The following WDFY2 variants were observed in gnomAD, a reference collection of about 807,000 sequenced individuals.
WDFY2 encodes the protein WD repeat and FYVE domain containing 2.
Under a neutral mutation model 56.4 loss-of-function variants are expected in WDFY2, and 36 were observed. That is an observed-to-expected ratio of 0.64 (90% CI 0.49 to 0.84). The LOEUF is 0.84. WDFY2 is among the 40% of genes least tolerant of loss of function. WDFY2 has a pLI of 0.00. For missense variants in WDFY2, 444 were observed against 512.2 expected (o/e 0.87, Z 1.29); for synonymous variants, 176 against 183.7 (o/e 0.96, Z 0.34).
intron 1 of WDFY2, chr13:51,587,638 A>G (rs1953969968): frequency 2.0e-5 from 3 of 152,252 alleles, no homozygotes. Flanking sequence ...ACTGTGTTCC[A>G]GTCACATGCA....
At chr13:51,738,929 C>T in intron 6 of WDFY2, 120 bp from the exon 7 acceptor site, 1 of 1,236,868 alleles carries the variant, frequency 8.1e-7, no homozygotes, top group Non-Finnish European at 1.0e-6. Flanking sequence ...ATTGTTCTTT[C>T]AATAAGAATT....
intron 1 of WDFY2, among the ~76,000 whole-genome samples, chr13:51,619,232 T>G (rs965963538): frequency 2.0e-5 from 3 of 152,148 alleles, no homozygotes; most frequent in African/African-American, 7.2e-5. Flanking sequence ...GCGGGCAGAC[T>G]GCTTGAGCCC....
intron 6 of WDFY2, among the ~76,000 whole-genome samples, chr13:51,728,596 G>C (rs1203728113): frequency 6.6e-6 from 1 of 152,090 alleles, no homozygotes; most frequent in Non-Finnish European, 1.5e-5. Context: ...AAAAAAAGTA[G>C]GGGAAAGAGG....
intron 3 of WDFY2, among the ~76,000 whole-genome samples, chr13:51,679,514 G>A (rs769505319): frequency 3.4e-4 from 52 of 152,186 alleles, no homozygotes; most frequent in Admixed American, 2.0e-3. Flanking sequence ...ATCTATAAAT[G>A]GTTAGCACTC....
chr13:51,730,835 T>A (rs1313602460), intron 6 of WDFY2, among the ~76,000 whole-genome samples: 1 of 152,142 alleles, frequency 6.6e-6, no homozygotes, highest in Non-Finnish European at 1.5e-5. Flanking sequence ...GAACTGCCAG[T>A]CACTCTTTTT....
intron 4 of WDFY2, among the ~76,000 whole-genome samples, chr13:51,710,839 A>G (rs1052784433): frequency 3.3e-5 from 5 of 152,246 alleles, no homozygotes; most frequent in African/African-American, 9.6e-5. Flanking sequence ...GGAAGAATCA[A>G]TATCATGAAA....
intron 4 of WDFY2, among the ~76,000 whole-genome samples, chr13:51,709,092 T>C (rs760508102): frequency 3.3e-5 from 5 of 152,248 alleles, no homozygotes; most frequent in Non-Finnish European, 7.3e-5. Context: ...AAGATATTAA[T>C]TGATAGAATA....
chr13:51,608,551 G>A lies in WDFY2; in HGVS notation c.137+23727G>A, dbSNP rs150892297. Reference sequence around the variant, plus strand: ...ACAAAAATTAGCTGGGTGTGGTGGCGCATGCCTGTAATCCAGCTACTTGGG... The same window carrying A: ...ACAAAAATTAGCTGGGTGTGGTGGCACATGCCTGTAATCCAGCTACTTGGG... On this transcript the variant is annotated intron_variant, in intron 1 of 11. Coordinates refer to ENST00000298125, the MANE Select transcript of WDFY2 (RefSeq NM_052950.4). 2.1e-3 allele frequency among the ~76,000 whole-genome samples: 316 copies of A among 152,282 alleles called. 1 individual carries two copies. The highest frequency in any genetic ancestry group is 4.7e-3 in the African/African-American group (196 of 41,572).
Position 51,739,141 on chromosome 13 carries a change from A to G in WDFY2, c.691A>G (p.Arg231Gly), listed in dbSNP as rs1190283273. Residue 231 changes from arginine (R) to glycine (G), a missense_variant, in exon 7 of 12, where the codon AGA becomes GGA. Transcript: ENST00000298125. ...HSVIMWDIGGRKGTAIELQGH... is the reference protein window; with the variant it reads ...HSVIMWDIGGGKGTAIELQGH... ...TGTCATCATGTGGGACATCGGTGGGAGAAAAGGAACAGCCATCGAGCTCCA... is the reference window on the plus strand; with the variant it reads ...TGTCATCATGTGGGACATCGGTGGGGGAAAAGGAACAGCCATCGAGCTCCA... 1.9e-6 allele frequency: 3 copies of G among 1,598,678 alleles called. No homozygotes were observed. Among genetic ancestry groups the G allele is most frequent in the South Asian group, 2.3e-5 (2 of 87,472 alleles).
intron 1 of WDFY2, among the ~76,000 whole-genome samples, chr13:51,658,970 A>C (rs1043474042): frequency 6.6e-6 from 1 of 152,116 alleles, no homozygotes; most frequent in Non-Finnish European, 1.5e-5. Flanking sequence ...TCTGTCGCCC[A>C]GGCAGGAGTG....
At chr13:51,687,468 TATC>T (rs908343086) in intron 3 of WDFY2, among the ~76,000 whole-genome samples, 13 of 152,162 alleles carry the variant, frequency 8.5e-5, no homozygotes, top group Admixed American at 5.9e-4. Context: ...ATTAAGAAGA[TATC>T]ATCTGAGCAG....
Position 51,584,823 on chromosome 13 carries a change from A to G in WDFY2, c.136A>G (p.Arg46Gly), listed in dbSNP as rs1593838133. 6.2e-7 allele frequency: 1 copy of G among 1,613,594 alleles called. No individual in the cohort carries two copies. Among genetic ancestry groups the G allele is most frequent in the East Asian group, 2.2e-5 (1 of 44,856 alleles). Residue 46 changes from arginine to glycine, a missense_variant and splice_region_variant, in exon 1 of 12, where the codon AGG becomes GGG. Transcript: ENST00000298125. Reference sequence around the variant, plus strand: ...GGGCGTCATCAGCGTCTCCGAGGACAGGTATGGACTACTGCCATTCGGCCG... The same window carrying G: ...GGGCGTCATCAGCGTCTCCGAGGACGGGTATGGACTACTGCCATTCGGCCG... Reference protein sequence around the residue: ...EEGVISVSEDRTVRVWLKRDS... With the variant: ...EEGVISVSEDGTVRVWLKRDS...
chr13:51,699,103 C>T (rs1039817956), intron 3 of WDFY2, among the ~76,000 whole-genome samples: 3 of 152,160 alleles, frequency 2.0e-5, no homozygotes, highest in Admixed American at 1.3e-4. Flanking sequence ...GGATCTGGTT[C>T]CCCTGCTACT....
In WDFY2 at chr13:51,763,355, C is replaced by G. The variant is rs1953649177; in HGVS notation, c.*3586C>G. On this transcript the variant is annotated 3_prime_UTR_variant, in exon 12 of 12. Coordinates refer to ENST00000298125, the MANE Select transcript of WDFY2 (RefSeq NM_052950.4). ...TGCCTTCATCCACATAAATTCCTTCCTATACATTCCCCTCAGACCACCCCA... is the reference window on the plus strand; with the variant it reads ...TGCCTTCATCCACATAAATTCCTTCGTATACATTCCCCTCAGACCACCCCA... The G allele has an allele frequency of 6.6e-6, 1 of 152,140 alleles. No homozygotes were observed. Among genetic ancestry groups the G allele is most frequent in the African/African-American group, 2.4e-5 (1 of 41,412 alleles). 9.4% of individuals were successfully genotyped at this position (152,140 alleles called of 1,614,324 possible).
intron 7 of WDFY2, among the ~76,000 whole-genome samples, chr13:51,749,000 G>A (rs1432367643): frequency 6.6e-6 from 1 of 152,092 alleles, no homozygotes; most frequent in Admixed American, 6.5e-5. Flanking sequence ...TACATGATAA[G>A]TGATATTATG....
intron 2 of WDFY2, among the ~76,000 whole-genome samples, chr13:51,661,476 T>C (rs1046297256): frequency 5.3e-5 from 8 of 152,206 alleles, no homozygotes; most frequent in African/African-American, 1.9e-4. Context: ...GTTTGTTGTT[T>C]GGAGTCCTAT....
intron 1 of WDFY2, among the ~76,000 whole-genome samples, chr13:51,617,230 C>G (rs1359747026): frequency 6.6e-6 from 1 of 152,162 alleles, no homozygotes; most frequent in East Asian, 1.9e-4. Flanking sequence ...TGTTTAACAG[C>G]AGTAACTCCT....
At chr13:51,721,198 CTTA>C (rs1952482106) in intron 5 of WDFY2, among the ~76,000 whole-genome samples, 1 of 152,130 alleles carries the variant, frequency 6.6e-6, no homozygotes, top group Non-Finnish European at 1.5e-5. Context: ...GGTCCTATGT[CTTA>C]TCTGAGGCCA....
intron 1 of WDFY2, among the ~76,000 whole-genome samples, chr13:51,631,599 T>C (rs927394782): frequency 6.6e-6 from 1 of 152,170 alleles, no homozygotes; most frequent in African/African-American, 2.4e-5. Context: ...TTTGTTGAAA[T>C]AATGAGAAAC....
Sources: gnomAD v4.1 joint callset for allele counts (sites outside exome capture counted in the v4.1 genomes callset) on GRCh38, gnomAD v4.1.1 for gene constraint, MANE v1.5 for transcripts, NCBI Gene and HGNC (gene_info 2026-07-23, HGNC 2026-07-21) for gene names.